Variants in CCNDBP1 observed in about 807,000 individuals in gnomAD.
The protein encoded by CCNDBP1 is cyclin D1 binding protein 1, also known as cyclin-D1-binding protein 1.
In CCNDBP1, 45 loss-of-function variants were observed where a neutral mutation model predicts 46.2. The ratio of observed to expected loss-of-function variants is 0.97; its 90% CI spans 0.77 to 1.25. The LOEUF is 1.25. Ranked by LOEUF, CCNDBP1 falls within the 50% of genes most tolerant of loss-of-function variation. The pLI is 0.00. For missense variants in CCNDBP1, 436 were observed against 442.1 expected (o/e 0.99, Z 0.12); for synonymous variants, 154 against 163.6 (o/e 0.94, Z 0.45).
intron 10 of CCNDBP1, 132 bp from the exon 11 acceptor site, chr15:43,194,594 TG>T (rs1464147838): frequency 1.0e-6 from 1 of 986,198 alleles, no homozygotes; most frequent in Admixed American, 2.4e-5. Context: ...GCTTCAGTTG[TG>T]GGGCAGCTGA....
Position 43,190,872 on chromosome 15 carries a change from C to G in CCNDBP1, c.503-94C>G, listed in dbSNP as rs975465719. 6 of 1,007,616 alleles carry G rather than the reference C, an allele frequency of 6.0e-6. No individual in the cohort carries two copies. In the African/African-American group the frequency reaches 8.0e-5, roughly 13 times the overall value. 62.4% of individuals were successfully genotyped at this position (1,007,616 alleles called of 1,614,324 possible). A position where few individuals can be genotyped will look rare whatever the true frequency, so the allele number is the denominator to read the frequency against. ...CCCTTGTCAACCGTCCTTGGCACTC[C>G]CATCAATAGGAACAATGTGATTGTT... On this transcript the variant is annotated intron_variant, in intron 6 of 10. Coordinates refer to ENST00000300213, the MANE Select transcript of CCNDBP1 (RefSeq NM_012142.5).
rs2042031876 is a variant in CCNDBP1 at position 43,195,848 on chromosome 15, T to C, written c.*1007T>C. The C allele has an allele frequency of 6.6e-6, 1 of 152,216 alleles. No homozygotes were observed. The highest frequency in any genetic ancestry group is 6.5e-5 in the Admixed American group (1 of 15,286). 9.4% of individuals were successfully genotyped at this position (152,216 alleles called of 1,614,324 possible). A position where few individuals can be genotyped will look rare whatever the true frequency, so the allele number is the denominator to read the frequency against. On this transcript the variant is annotated 3_prime_UTR_variant, in exon 11 of 11. Coordinates refer to ENST00000300213, the MANE Select transcript of CCNDBP1 (RefSeq NM_012142.5). The stretch of plus-strand genomic sequence containing the variant: ...TAGGTATAATCAGCAACAGCAGTCA[T>C]TCTTTGAGTGACTAATGTATACTTG...
intron 4 of CCNDBP1, 59 bp from the exon 5 acceptor site, chr15:43,189,996 A>AAGC: frequency 3.5e-6 from 5 of 1,421,618 alleles, no homozygotes; most frequent in Non-Finnish European, 4.0e-6. Flanking sequence ...AGACTCAGGA[A>AAGC]AGCAGATGGT....
At chr15:43,191,704 G>C (rs1247589767) in intron 8 of CCNDBP1, 29 bp downstream of exon 8, 7 of 1,585,084 alleles carry the variant, frequency 4.4e-6, no homozygotes, top group Non-Finnish European at 6.0e-6. Context: ...TGAAACATCT[G>C]AGCAGCAGCG....
At position 43,194,817 on chromosome 15, in the gene CCNDBP1, C is replaced by T; in HGVS notation, c.1059C>T (p.Leu353=). The change falls in exon 11 of 11, where the codon CTC becomes CTT. Residue 353 remains leucine (L), a synonymous_variant. Transcript: ENST00000300213. Reference sequence around the variant, plus strand: ...ATTGCATGAATAGAATCAAGGAGCTCACTCAGAGTGAACTTGAATTATGAC... The same window carrying T: ...ATTGCATGAATAGAATCAAGGAGCTTACTCAGAGTGAACTTGAATTATGAC... The part of the protein sequence containing the change: ...IDHCMNRIKE[L]TQSELEL 5 of 1,610,668 alleles carry T rather than the reference C, an allele frequency of 3.1e-6. No individual in the cohort carries two copies. The highest frequency in any genetic ancestry group is 4.2e-6 in the Non-Finnish European group (5 of 1,176,882).
intron 8 of CCNDBP1, 22 bp downstream of exon 8, chr15:43,191,697 A>T: frequency 6.3e-7 from 1 of 1,594,960 alleles, no homozygotes; most frequent in African/African-American, 1.3e-5. Flanking sequence ...CCCCACTTGA[A>T]ACATCTGAGC....
chr15:43,185,674 G>A, intron 1 of CCNDBP1, 67 bp downstream of exon 1: 3 of 1,416,830 alleles, frequency 2.1e-6, no homozygotes, highest in Non-Finnish European at 1.9e-6. Context: ...GGCCGGGCTC[G>A]GGGTCGGGGA....
At chr15:43,189,941 G>A in intron 4 of CCNDBP1, 114 bp from the exon 5 acceptor site, 1 of 837,206 alleles carries the variant, frequency 1.2e-6, no homozygotes, top group Non-Finnish European at 1.9e-6. Flanking sequence ...TAGCATGTAG[G>A]TTAAAGCATG....
chr15:43,186,113 C>G (rs758164701), intron 2 of CCNDBP1, 41 bp from the exon 3 acceptor site: 4 of 1,565,092 alleles, frequency 2.6e-6, no homozygotes, highest in Admixed American at 3.3e-5. Context: ...CCGTGCAGCA[C>G]TAACGTATTG....
At chr15:43,191,348 T>C in intron 7 of CCNDBP1, 47 bp from the exon 8 acceptor site, 2 of 903,630 alleles carry the variant, frequency 2.2e-6, no homozygotes, top group Non-Finnish European at 2.9e-6. Context: ...CTCGCCTTTT[T>C]TTTTTTTTTT....
At position 43,194,860 on chromosome 15, in the gene CCNDBP1, ACT is replaced by A. The variant is rs758315326; in HGVS notation, c.*24_*25del. ...ATTATGACTTTTCAGGCTCATTTGT[ACT>A]CTCTTCCCCTCTCATCGTCATGGTC... On this transcript the variant is annotated 3_prime_UTR_variant, in exon 11 of 11. Coordinates refer to ENST00000300213, the MANE Select transcript of CCNDBP1 (RefSeq NM_012142.5). 1.7e-5 allele frequency: 25 copies of A among 1,440,764 alleles called. No individual in the cohort carries two copies. In the South Asian group the frequency reaches 2.6e-4, roughly 15 times the overall value. 89.2% of individuals were successfully genotyped at this position (1,440,764 alleles called of 1,614,324 possible). A position where few individuals can be genotyped will look rare whatever the true frequency, so the allele number is the denominator to read the frequency against.
At chr15:43,191,156 C>G (rs865778965) in intron 7 of CCNDBP1, 114 bp downstream of exon 7, 1 of 895,724 alleles carries the variant, frequency 1.1e-6, no homozygotes, top group Non-Finnish European at 1.8e-6. Context: ...CTACTGTCCT[C>G]TGTCTTCCAT....
chr15:43,185,750 G>T lies in CCNDBP1; in HGVS notation c.110-70G>T. 2.0e-6 allele frequency: 3 copies of T among 1,529,692 alleles called. No homozygotes were observed. The South Asian group carries it at 3.5e-5, about 18-fold the overall frequency. The allele number at this position is 1,529,692 out of a possible 1,614,324, so 94.8% of individuals were successfully genotyped here. On this transcript the variant is annotated intron_variant, in intron 1 of 10. Coordinates refer to ENST00000300213, the MANE Select transcript of CCNDBP1 (RefSeq NM_012142.5). ...GCGGCGGGGAGCCGGGCTTGGGCGA[G>T]GGAGGTGGCTCCGCTTACCTCAGCT...
Position 43,197,145 on chromosome 15 carries a change from G to A in CCNDBP1, c.*2304G>A, listed in dbSNP as rs759261411. ...TGTTTCTTGTACAGCCTGCAGAGCC[G>A]TGAGCCAAATAAAGCTCTTTTCTTT... On this transcript the variant is annotated 3_prime_UTR_variant, in exon 11 of 11. Transcript: ENST00000300213. 1.7e-4 allele frequency: 176 copies of A among 1,022,596 alleles called. No homozygotes were observed. Among genetic ancestry groups the A allele is most frequent in the Admixed American group, 1.7e-4 (8 of 48,134 alleles). 63.3% of individuals were successfully genotyped at this position (1,022,596 alleles called of 1,614,324 possible).
At position 43,188,772 on chromosome 15, in the gene CCNDBP1, A is replaced by C. The variant is rs549032987; in HGVS notation, c.250-427A>C. The C allele has an allele frequency of 3.2e-5, 5 of 157,710 alleles. No homozygotes were observed. In the South Asian group the frequency reaches 9.0e-4, roughly 28 times the overall value. The allele number at this position is 157,710 out of a possible 1,614,324, so 9.8% of individuals were successfully genotyped here. A position where few individuals can be genotyped will look rare whatever the true frequency, so the allele number is the denominator to read the frequency against. On this transcript the variant is annotated intron_variant, in intron 3 of 10. Coordinates refer to ENST00000300213, the MANE Select transcript of CCNDBP1 (RefSeq NM_012142.5). ...CCAGGACTTCAGAAAATGTTTGATGATGCTGTAGAAATATCTGCCCTAGGC... is the reference window on the plus strand; with the variant it reads ...CCAGGACTTCAGAAAATGTTTGATGCTGCTGTAGAAATATCTGCCCTAGGC...
At chr15:43,185,768 C>T in intron 1 of CCNDBP1, 52 bp from the exon 2 acceptor site, 8 of 1,587,370 alleles carry the variant, frequency 5.0e-6, no homozygotes, top group Admixed American at 1.7e-5. Flanking sequence ...GCTCCGCTTA[C>T]CTCAGCTTTT....
Position 43,191,640 on chromosome 15 carries a change from T to C in CCNDBP1, c.825T>C (p.Asp275=), listed in dbSNP as rs771268053. ...AGAAGGATCAGGTGGCACAGCTGGA[T>C]GACATTGTGGATATTTCTGATGAAA... ...NGKKDQVAQL[D]DIVDISDEIS... Residue 275 remains aspartate (D), a synonymous_variant, in exon 8 of 11, where the codon GAT becomes GAC. Coordinates refer to ENST00000300213, the MANE Select transcript of CCNDBP1 (RefSeq NM_012142.5). 6.2e-7 allele frequency: 1 copy of C among 1,610,044 alleles called. No individual in the cohort carries two copies. The highest frequency in any genetic ancestry group is 8.5e-7 in the Non-Finnish European group (1 of 1,179,996).
intron 9 of CCNDBP1, chr15:43,193,159 G>A (rs1035640917): frequency 2.5e-4 from 54 of 220,258 alleles, no homozygotes; most frequent in African/African-American, 8.7e-4. Context: ...CCAACATGGC[G>A]AAACCTTGTC....
Position 43,189,187 on chromosome 15 carries a change from C to T in CCNDBP1, c.250-12C>T, listed in dbSNP as rs758637690. The T allele has an allele frequency of 1.9e-5, 30 of 1,571,044 alleles. No individual in the cohort carries two copies. Among genetic ancestry groups the T allele is most frequent in the Middle Eastern group, 1.7e-4 (1 of 5,980 alleles). ...TTGACCACTTTGATCTAATCTGTTTCCTTTTTCATAGGAAACCCAGAAGTT... is the reference window on the plus strand; with the variant it reads ...TTGACCACTTTGATCTAATCTGTTTTCTTTTTCATAGGAAACCCAGAAGTT... On this transcript the variant is annotated splice_polypyrimidine_tract_variant and intron_variant, in intron 3 of 10. Coordinates refer to ENST00000300213, the MANE Select transcript of CCNDBP1 (RefSeq NM_012142.5).
Sources: allele counts gnomAD v4.1 joint callset, GRCh38; gene constraint gnomAD v4.1.1; transcripts MANE v1.5; gene names NCBI Gene and HGNC (gene_info 2026-07-23, HGNC 2026-07-21).